The following RAP1GAP variants were observed in gnomAD, a reference collection of about 807,000 sequenced individuals.
RAP1GAP encodes the protein RAP1 GTPase activating protein, also known as rap1 GTPase-activating protein 1.
Under a neutral mutation model 87.2 loss-of-function variants are expected in RAP1GAP, and 35 were observed. The observed-to-expected ratio is 0.40, with a 90% CI of 0.31 to 0.53. The LOEUF is 0.53. Ranked by LOEUF, RAP1GAP falls within the 20% of genes least tolerant of loss-of-function variation. The probability of loss-of-function intolerance (pLI) is 0.48; values close to 1 mark genes in which losing one functional copy is unlikely to be tolerated. For synonymous variants in RAP1GAP, 375 were observed against 363.9 expected, an observed-to-expected ratio of 1.03 and a Z score of -0.35; for missense variants, 734 against 898.9, an observed-to-expected ratio of 0.82 and a Z score of 2.35.
intron 5 of RAP1GAP, 106 bp from the exon 6 acceptor site, chr1:21,618,078 C>A (rs1019220553): frequency 1.3e-5 from 18 of 1,363,966 alleles, no homozygotes; most frequent in Non-Finnish European, 1.6e-5. Flanking sequence ...GCGGATGGGG[C>A]CCTGGCCTCA....
chr1:21,636,326 T>A (rs1169162606), intron 2 of RAP1GAP, among the ~76,000 whole-genome samples: 1 of 152,256 alleles, frequency 6.6e-6, no homozygotes, highest in Non-Finnish European at 1.5e-5. Flanking sequence ...ATAGCAGTGC[T>A]GACCTCTGAG....
chr1:21,633,993 G>A (rs1455368716), intron 2 of RAP1GAP, among the ~76,000 whole-genome samples: 3 of 151,852 alleles, frequency 2.0e-5, no homozygotes, highest in African/African-American at 4.8e-5. Flanking sequence ...CCTGGGCATC[G>A]GGTCTGAGGG....
intron 1 of RAP1GAP, chr1:21,651,297 T>A: frequency 4.8e-6 from 2 of 412,592 alleles, no homozygotes; most frequent in Middle Eastern, 6.8e-4. Flanking sequence ...AGTCCCTTTA[T>A]CCAGAGCGTC....
At position 21,611,397 on chromosome 1, in the gene RAP1GAP, G is replaced by A; in HGVS notation, c.843+55C>T. 4 of 1,570,132 alleles carry A rather than the reference G, an allele frequency of 2.5e-6. No individual in the cohort carries two copies. The South Asian group carries it at 4.6e-5, about 18-fold the overall frequency. On this transcript the variant is annotated intron_variant, in intron 13 of 24. Transcript: ENST00000374765. The stretch of plus-strand genomic sequence containing the variant: ...TGGCGTGATGGAGGCTGAACAGACA[G>A]GTGGAGGGGGAGGACAGGTGGAAGA...
chr1:21,612,238 G>T, intron 10 of RAP1GAP, 129 bp from the exon 11 acceptor site: 2 of 748,268 alleles, frequency 2.7e-6, no homozygotes, highest in Non-Finnish European at 4.7e-6. Context: ...GAACAAGCCT[G>T]GGAGGGAGAC....
At chr1:21,612,002 G>A in intron 11 of RAP1GAP, 24 bp downstream of exon 11, 1 of 1,524,900 alleles carries the variant, frequency 6.6e-7, no homozygotes. Context: ...GTGGGGAGGG[G>A]CGGCAGGGAG....
intron 17 of RAP1GAP, 147 bp downstream of exon 17, chr1:21,608,066 C>A: frequency 8.1e-7 from 1 of 1,236,458 alleles, no homozygotes; most frequent in East Asian, 2.5e-5. Context: ...TGTGTCAATC[C>A]CCCAGTCCGG....
At chr1:21,667,231 G>A (rs535340054) in intron 1 of RAP1GAP, among the ~76,000 whole-genome samples, 2 of 152,344 alleles carry the variant, frequency 1.3e-5, no homozygotes, top group African/African-American at 4.8e-5. Flanking sequence ...TGACAGCAGG[G>A]CAGGGGCAGG....
chr1:21,607,004 C>T (rs777664108), intron 17 of RAP1GAP, among the ~76,000 whole-genome samples: 14 of 152,354 alleles, frequency 9.2e-5, no homozygotes, highest in South Asian at 6.2e-4. Flanking sequence ...TTCTCAAAGA[C>T]GATCTGTTCA....
chr1:21,651,397 C>T (rs766925369), intron 1 of RAP1GAP: 26 of 537,728 alleles, frequency 4.8e-5, no homozygotes, highest in South Asian at 3.6e-4. Context: ...CATACCTATA[C>T]ATGTGAGCAG....
At chr1:21,629,890 C>A (rs986953497) in intron 2 of RAP1GAP, among the ~76,000 whole-genome samples, 1 of 152,216 alleles carries the variant, frequency 6.6e-6, no homozygotes, top group Non-Finnish European at 1.5e-5. Context: ...AGCCCAAGAT[C>A]TGAACTTTAT....
intron 2 of RAP1GAP, among the ~76,000 whole-genome samples, chr1:21,633,473 C>G (rs1351136899): frequency 1.3e-5 from 2 of 152,164 alleles, no homozygotes; most frequent in African/African-American, 4.8e-5. Context: ...AGGTGAAACT[C>G]TGGTGGCCAG....
At chr1:21,619,167 C>A (rs2084676872) in intron 4 of RAP1GAP, 95 bp from the exon 5 acceptor site, 2 of 1,353,990 alleles carry the variant, frequency 1.5e-6, no homozygotes, top group Non-Finnish European at 1.0e-6. Context: ...CCCTAGGAGG[C>A]GGCCCGCGAA....
At chr1:21,604,516 G>A (rs546109844) in intron 18 of RAP1GAP, among the ~76,000 whole-genome samples, 2 of 152,136 alleles carry the variant, frequency 1.3e-5, no homozygotes, top group South Asian at 2.1e-4. Context: ...AAATGGGTCC[G>A]GTTACTGCCA....
chr1:21,619,920 A>G, intron 4 of RAP1GAP, 95 bp downstream of exon 4: 1 of 1,356,226 alleles, frequency 7.4e-7, no homozygotes, highest in African/African-American at 1.4e-5. Flanking sequence ...GCCTGTCCTC[A>G]GGGAGGTGAA....
intron 4 of RAP1GAP, 66 bp from the exon 5 acceptor site, chr1:21,619,138 A>C (rs1216627583): frequency 2.0e-6 from 3 of 1,489,318 alleles, no homozygotes; most frequent in Admixed American, 2.0e-5. Flanking sequence ...TCCCCTCCCC[A>C]AGGCGTGCAA....
chr1:21,649,822 G>A (rs2096411734), intron 1 of RAP1GAP, 26 bp from the exon 2 acceptor site: 7 of 1,550,658 alleles, frequency 4.5e-6, no homozygotes, highest in Non-Finnish European at 6.1e-6. Context: ...AGGGGCCATA[G>A]GTGAGGGGAC....
At position 21,617,362 on chromosome 1, in the gene RAP1GAP, C is replaced by T; in HGVS notation, c.235G>A (p.Val79Met). ...GCTGTGGGGTTGCACTCGAGCTTCA[C>T]CTTGGTTGTGGGCGACTGCAGTGGC... ...TEPLQSPTTK[V>M]KLECNPTARI... Residue 79 changes from valine to methionine, a missense_variant, in exon 7 of 25, where the codon GTG (valine) becomes ATG (methionine). Val to Met is a conservative substitution (Grantham distance 21, BLOSUM62 1). Coordinates refer to ENST00000374765, the MANE Select transcript of RAP1GAP (RefSeq NM_002885.4). 6.2e-7 allele frequency: 1 copy of T among 1,600,382 alleles called. No individual in the cohort carries two copies. The highest frequency in any genetic ancestry group is 8.5e-7 in the Non-Finnish European group (1 of 1,173,586).
intron 1 of RAP1GAP, chr1:21,651,844 C>CCCGGCCCGCGCGAGCCGGAGCCG: frequency 8.7e-7 from 1 of 1,143,746 alleles, no homozygotes; most frequent in East Asian, 4.6e-5. Context: ...CGCCGCCCGG[C>CCCGGCCCGCGCGAGCCGGAGCCG]CCGGCCCGCG....
Sources: allele counts gnomAD v4.1 joint callset (sites outside exome capture counted in the v4.1 genomes callset), GRCh38; gene constraint gnomAD v4.1.1; transcripts MANE v1.5; gene names NCBI Gene and HGNC (gene_info 2026-07-23, HGNC 2026-07-21).